Variants in ARHGEF9 observed in about 807,000 individuals in gnomAD.
ARHGEF9 encodes the protein Cdc42 guanine nucleotide exchange factor 9, also known as rho guanine nucleotide exchange factor 9.
A neutral mutation model predicts 41.3 loss-of-function variants in ARHGEF9; 2 were observed. The ratio of observed to expected loss-of-function variants is 0.05; its 90% CI spans 0.02 to 0.15. ARHGEF9 has a LOEUF of 0.15. ARHGEF9 is among the 10% of genes least tolerant of loss of function. The pLI is 1.00. For synonymous variants in ARHGEF9, 160 were observed against 154.4 expected (o/e 1.04, Z -0.27); for missense variants, 225 against 424.7 (o/e 0.53, Z 4.13).
rs1172092478 is a variant in ARHGEF9, at chrX:63,704,757, C to A, written c.402+1501G>T. Among the ~76,000 whole-genome samples the A allele has an allele frequency of 2.7e-5, 3 of 112,394 alleles. No homozygotes were observed. The Admixed American group carries it at 2.8e-4, about 11-fold the overall frequency. ...GAATGTCAGAGGAGTTAAGGGGTAT[C>A]TTCAAGCCCACAGGGTTAATTAATG... On this transcript the variant is annotated intron_variant, in intron 3 of 9. Transcript: ENST00000671741.
chrX:63,774,376 G>A (rs1418515626), intron 1 of ARHGEF9, among the ~76,000 whole-genome samples: 1 of 111,256 alleles, frequency 9.0e-6, no homozygotes. Flanking sequence ...ATTTGCCTCT[G>A]GTTGTCAAAT....
intron 2 of ARHGEF9, chrX:63,719,547 C>T (rs1305220477): frequency 3.4e-6 from 1 of 290,195 alleles, no homozygotes; most frequent in East Asian, 4.9e-5. Context: ...AATGACAGAA[C>T]ACATTGTTTT....
chrX:63,676,170 C>A (rs1418085411), intron 5 of ARHGEF9, among the ~76,000 whole-genome samples: 1 of 112,113 alleles, frequency 8.9e-6, no homozygotes, highest in Non-Finnish European at 1.9e-5. Context: ...AATCTGTGAT[C>A]TGCACACCTG....
At chrX:63,639,726 T>C (rs2047505748) in intron 9 of ARHGEF9, 1 of 112,271 alleles carries the variant, frequency 8.9e-6, no homozygotes, top group Admixed American at 9.5e-5. Context: ...TATCTGTCAA[T>C]AGATGAATGG....
At chrX:63,731,760 C>T (rs1442398326) in intron 1 of ARHGEF9, among the ~76,000 whole-genome samples, 2 of 110,265 alleles carry the variant, frequency 1.8e-5, no homozygotes, top group Non-Finnish European at 3.8e-5. Context: ...AGGGTTTCAC[C>T]ATGTTGGCCA....
chrX:63,771,984 C>T (rs1490850579), intron 1 of ARHGEF9, among the ~76,000 whole-genome samples: 1 of 111,778 alleles, frequency 8.9e-6, no homozygotes, highest in Non-Finnish European at 1.9e-5. Flanking sequence ...GCCTACCTAC[C>T]CTGCAGATTT....
chrX:63,764,195 G>A (rs1379277870), intron 1 of ARHGEF9, among the ~76,000 whole-genome samples: 1 of 112,689 alleles, frequency 8.9e-6, no homozygotes, highest in Admixed American at 9.4e-5. Context: ...AGACATTCAT[G>A]TGACCAACAA....
chrX:63,639,157 G>T (rs1254272068), intron 9 of ARHGEF9, among the ~76,000 whole-genome samples: 2 of 111,687 alleles, frequency 1.8e-5, no homozygotes, highest in Non-Finnish European at 3.8e-5. Flanking sequence ...CAACATTACA[G>T]TTACTTTTTT....
intron 4 of ARHGEF9, among the ~76,000 whole-genome samples, chrX:63,694,398 A>G (rs1401066412): frequency 8.9e-6 from 1 of 112,150 alleles, no homozygotes; most frequent in Non-Finnish European, 1.9e-5. Context: ...TTCTCAAAAA[A>G]TATTGTACTA....
At chrX:63,644,527 A>G (rs1556310229) in intron 8 of ARHGEF9, among the ~76,000 whole-genome samples, 1 of 110,900 alleles carries the variant, frequency 9.0e-6, no homozygotes, top group East Asian at 2.8e-4. Flanking sequence ...GGGGAAAAAA[A>G]GGATATACTT....
At chrX:63,752,787 C>T (rs1447064239) in intron 1 of ARHGEF9, among the ~76,000 whole-genome samples, 1 of 112,068 alleles carries the variant, frequency 8.9e-6, no homozygotes, top group Non-Finnish European at 1.9e-5. Flanking sequence ...TTCACAGCCC[C>T]TCTCCTTTCA....
intron 1 of ARHGEF9, among the ~76,000 whole-genome samples, chrX:63,740,750 C>G (rs1556425866): frequency 8.9e-6 from 1 of 111,943 alleles, no homozygotes; most frequent in Non-Finnish European, 1.9e-5. Flanking sequence ...TTCACTCAGA[C>G]CCAATCTAGG....
At chrX:63,771,808 C>A (rs1160787758) in intron 1 of ARHGEF9, among the ~76,000 whole-genome samples, 1 of 111,227 alleles carries the variant, frequency 9.0e-6, no homozygotes, top group Admixed American at 9.6e-5. Flanking sequence ...CTCAAGTGAT[C>A]CACCTGCCTC....
At chrX:63,698,006 A>AGCTGG (rs1556390644) in intron 3 of ARHGEF9, among the ~76,000 whole-genome samples, 1 of 109,400 alleles carries the variant, frequency 9.1e-6, no homozygotes, top group East Asian at 2.8e-4. Flanking sequence ...TATCTGAGGT[A>AGCTGG]GCTGGCCAGG....
At chrX:63,777,913 C>A (rs2056319102) in intron 1 of ARHGEF9, among the ~76,000 whole-genome samples, 1 of 112,770 alleles carries the variant, frequency 8.9e-6, no homozygotes, top group African/African-American at 3.2e-5. Context: ...TCATGGCTGG[C>A]ATTGAGTGCC....
rs1191007499 is a variant in ARHGEF9 at position 63,744,061 on chromosome X, A to C, written c.31-19350T>G. On this transcript the variant is annotated intron_variant, in intron 1 of 9. Transcript: ENST00000671741. ...CAGACAGAAATGAGGGACAGAGACA[A>C]TGGGATTTGTTCAAGGTCACACAGC... 2.9e-4 allele frequency among the ~76,000 whole-genome samples: 32 copies of C among 112,075 alleles called. 2 individuals are homozygous for C. The highest frequency in any genetic ancestry group is 4.5e-4 in the Non-Finnish European group (24 of 53,143).
At chrX:63,677,705 T>C (rs1602357048) in intron 5 of ARHGEF9, among the ~76,000 whole-genome samples, 1 of 111,283 alleles carries the variant, frequency 9.0e-6, no homozygotes. Flanking sequence ...AAGAGGACTT[T>C]GAAGCAGGAG....
Position 63,637,312 on chromosome X carries a change from A to C in ARHGEF9, c.*716T>G, listed in dbSNP as rs2147110645. ...TTTTTTGATCCCTTCACAGTACCTA[A>C]AACACAGTAAAAGCAATAGGAATAC... On this transcript the variant is annotated 3_prime_UTR_variant, in exon 10 of 10. Coordinates refer to ENST00000671741, the MANE Select transcript of ARHGEF9 (RefSeq NM_001353921.2). 3.4e-6 allele frequency: 1 copy of C among 296,848 alleles called. No individual in the cohort carries two copies. 24.5% of individuals were successfully genotyped at this position (296,848 alleles called of 1,213,427 possible).
intron 1 of ARHGEF9, chrX:63,754,352 T>C (rs1158263594): frequency 1.7e-5 from 21 of 1,206,191 alleles, no homozygotes; most frequent in East Asian, 3.0e-5. Context: ...CAAAACGTTT[T>C]CCCCCCTGAG....
Sources: allele counts gnomAD v4.1 joint callset (sites outside exome capture counted in the v4.1 genomes callset), GRCh38; gene constraint gnomAD v4.1.1; transcripts MANE v1.5; gene names NCBI Gene and HGNC (gene_info 2026-07-23, HGNC 2026-07-21).